KCNQ5: variants seen among roughly 807,000 people sequenced by gnomAD.
KCNQ5 encodes the protein potassium voltage-gated channel subfamily Q member 5.
A neutral mutation model predicts 98.2 loss-of-function variants in KCNQ5; 30 were observed. That is an observed-to-expected ratio of 0.31 (90% CI 0.23 to 0.41). The LOEUF is 0.41. KCNQ5 is among the 10% of genes least tolerant of loss of function. KCNQ5 has a pLI of 1.00. For missense variants in KCNQ5, 835 were observed against 1,182.5 expected (o/e 0.71, Z 4.31); for synonymous variants, 458 against 449.4 (o/e 1.02, Z -0.24).
chr6:72,815,330 C>G (rs1178767667), intron 1 of KCNQ5, among the ~76,000 whole-genome samples: 1 of 152,016 alleles, frequency 6.6e-6, no homozygotes, highest in Admixed American at 6.6e-5. Flanking sequence ...TTATAAGTAT[C>G]GTAAGACAGG....
At chr6:73,044,004 T>A (rs1050032470) in intron 3 of KCNQ5, among the ~76,000 whole-genome samples, 3 of 152,168 alleles carry the variant, frequency 2.0e-5, no homozygotes, top group Non-Finnish European at 4.4e-5. Flanking sequence ...TTTAGTATGA[T>A]GCCTGGCGCA....
intron 1 of KCNQ5, among the ~76,000 whole-genome samples, chr6:72,704,791 T>C (rs1768990833): frequency 6.6e-6 from 1 of 152,172 alleles, no homozygotes; most frequent in African/African-American, 2.4e-5. Flanking sequence ...ACATGCTATG[T>C]CTTTCCCTAC....
chr6:73,124,014 C>G (rs1386494110), intron 8 of KCNQ5, among the ~76,000 whole-genome samples: 1 of 151,968 alleles, frequency 6.6e-6, no homozygotes, highest in African/African-American at 2.4e-5. Context: ...TTATTTACTC[C>G]AAGGAAATTT....
At chr6:73,058,133 C>T (rs975026518) in intron 3 of KCNQ5, among the ~76,000 whole-genome samples, 11 of 152,158 alleles carry the variant, frequency 7.2e-5, no homozygotes, top group Non-Finnish European at 1.6e-4. Flanking sequence ...CTAAAACTGG[C>T]CGGGCACGGT....
At chr6:72,981,654 C>T (rs1246684680) in intron 1 of KCNQ5, among the ~76,000 whole-genome samples, 4 of 152,072 alleles carry the variant, frequency 2.6e-5, no homozygotes, top group Admixed American at 6.6e-5. Flanking sequence ...GTGTCTCTAA[C>T]TCCTTCAGTT....
chr6:72,840,133 C>T (rs535587919), intron 1 of KCNQ5, among the ~76,000 whole-genome samples: 2 of 152,040 alleles, frequency 1.3e-5, no homozygotes, highest in Non-Finnish European at 2.9e-5. Context: ...TGTATATATA[C>T]CACATTTTCT....
chr6:72,737,585 G>T (rs1346295632), intron 1 of KCNQ5, among the ~76,000 whole-genome samples: 1 of 152,062 alleles, frequency 6.6e-6, no homozygotes, highest in East Asian at 1.9e-4. Context: ...GCGAATTTTG[G>T]CTCATTAGTA....
At chr6:73,010,202 C>A (rs1769997419) in intron 2 of KCNQ5, among the ~76,000 whole-genome samples, 1 of 151,966 alleles carries the variant, frequency 6.6e-6, no homozygotes, top group Admixed American at 6.6e-5. Flanking sequence ...ATTCAACACA[C>A]AAAAATTGAT....
intron 1 of KCNQ5, among the ~76,000 whole-genome samples, chr6:72,758,250 G>A (rs149101087): frequency 6.6e-6 from 1 of 152,106 alleles, no homozygotes; most frequent in African/African-American, 2.4e-5. Flanking sequence ...TAAGAACATG[G>A]AGTTTCACAT....
intron 1 of KCNQ5, among the ~76,000 whole-genome samples, chr6:72,683,248 C>G (rs560957677): frequency 6.6e-4 from 101 of 152,230 alleles, no homozygotes; most frequent in Non-Finnish European, 1.0e-3. Flanking sequence ...TCAGAATCCC[C>G]CATTTTCAGG....
chr6:73,105,283 A>G lies in KCNQ5; in HGVS notation c.945A>G (p.Gly315=). 1.2e-6 allele frequency: 2 copies of G among 1,610,100 alleles called. No individual in the cohort carries two copies. Among genetic ancestry groups the G allele is most frequent in the Non-Finnish European group, 8.5e-7 (1 of 1,177,330 alleles). Residue 315 remains glycine, a synonymous_variant, in exon 6 of 14, where the codon GGA becomes GGG. Coordinates refer to ENST00000370398, the MANE Select transcript of KCNQ5 (RefSeq NM_019842.4). ...TTACATTGACAACTATTGGCTATGG[A>G]GACAAAACTCCCCTAACTTGGCTGG... ...GTITLTTIGY[G]DKTPLTWLGR...
intron 7 of KCNQ5, among the ~76,000 whole-genome samples, chr6:73,119,969 G>A (rs528336531): frequency 2.6e-5 from 4 of 152,146 alleles, no homozygotes; most frequent in African/African-American, 7.2e-5. Context: ...CAGGCACAGT[G>A]GTTCATACCT....
chr6:73,118,491 C>T (rs1775599620), intron 7 of KCNQ5, among the ~76,000 whole-genome samples: 1 of 151,610 alleles, frequency 6.6e-6, no homozygotes, highest in Non-Finnish European at 1.5e-5. Flanking sequence ...CATATATAAG[C>T]ATATATTTTG....
intron 1 of KCNQ5, among the ~76,000 whole-genome samples, chr6:72,993,291 G>C: frequency 6.8e-5 from 1 of 14,688 alleles, no homozygotes; most frequent in South Asian, 5.6e-3. Context: ...TCACTTTCAG[G>C]TACACCAATC....
At chr6:73,127,179 T>A (rs932863991) in intron 9 of KCNQ5, among the ~76,000 whole-genome samples, 17 of 152,166 alleles carry the variant, frequency 1.1e-4, no homozygotes, top group African/African-American at 4.1e-4. Context: ...GTAAAATGCA[T>A]TTATAATGAG....
intron 1 of KCNQ5, among the ~76,000 whole-genome samples, chr6:72,876,928 C>G (rs1017970031): frequency 2.6e-5 from 4 of 152,170 alleles, no homozygotes; most frequent in African/African-American, 9.7e-5. Flanking sequence ...AGCCAGTGAT[C>G]ACTGGGATGG....
intron 1 of KCNQ5, among the ~76,000 whole-genome samples, chr6:72,856,332 G>T (rs928829234): frequency 1.3e-4 from 19 of 150,974 alleles, no homozygotes; most frequent in African/African-American, 4.7e-4. Flanking sequence ...TAGTTTCTTA[G>T]ATAAGAGTTT....
At chr6:73,154,065 A>C (rs1385061185) in intron 10 of KCNQ5, among the ~76,000 whole-genome samples, 1 of 152,162 alleles carries the variant, frequency 6.6e-6, no homozygotes. Flanking sequence ...GCAGATATGG[A>C]TACCTAGAGG....
At chr6:72,751,429 A>G (rs1484983181) in intron 1 of KCNQ5, among the ~76,000 whole-genome samples, 1 of 152,024 alleles carries the variant, frequency 6.6e-6, no homozygotes, top group Non-Finnish European at 1.5e-5. Flanking sequence ...CGAGGGACCA[A>G]GAAAAAAACA....
Sources: gnomAD v4.1 joint callset for allele counts (sites outside exome capture counted in the v4.1 genomes callset) on GRCh38, gnomAD v4.1.1 for gene constraint, MANE v1.5 for transcripts, NCBI Gene and HGNC (gene_info 2026-07-23, HGNC 2026-07-21) for gene names.